The following MEGF10 variants were observed in gnomAD, a reference collection of about 807,000 sequenced individuals.
The protein encoded by MEGF10 is multiple epidermal growth factor-like domains protein 10.
In MEGF10, 86 loss-of-function variants were observed where a neutral mutation model predicts 147.5. The observed-to-expected ratio is 0.58, with a 90% CI of 0.49 to 0.70. The LOEUF (loss-of-function observed/expected upper bound fraction) is 0.70, where lower values mean the gene tolerates loss of function less well. Ranked by LOEUF, MEGF10 falls within the 30% of genes least tolerant of loss-of-function variation. The pLI is 0.00. For synonymous variants in MEGF10, 478 were observed against 525.5 expected, an observed-to-expected ratio of 0.91 and a Z score of 1.24; for missense variants, 1,329 against 1,487.3, an observed-to-expected ratio of 0.89 and a Z score of 1.75.
At chr5:127,398,582 A>T in intron 6 of MEGF10, 94 bp from the exon 7 acceptor site, 1 of 1,411,690 alleles carries the variant, frequency 7.1e-7, no homozygotes. Flanking sequence ...TGAACACAGA[A>T]AGCTTGTCTA....
At chr5:127,452,891 A>G (rs1437595042) in intron 22 of MEGF10, among the ~76,000 whole-genome samples, 2 of 152,088 alleles carry the variant, frequency 1.3e-5, no homozygotes, top group Non-Finnish European at 2.9e-5. Flanking sequence ...CCCCCCAGCT[A>G]TGGGCTTGGT....
chr5:127,349,866 T>G (rs1762029146), intron 4 of MEGF10, among the ~76,000 whole-genome samples: 1 of 152,140 alleles, frequency 6.6e-6, no homozygotes, highest in Non-Finnish European at 1.5e-5. Context: ...CAAATTAGAT[T>G]AGAACTCTCA....
At chr5:127,380,143 C>T (rs145248687) in intron 5 of MEGF10, among the ~76,000 whole-genome samples, 1 of 151,454 alleles carries the variant, frequency 6.6e-6, no homozygotes, top group African/African-American at 2.4e-5. Flanking sequence ...CTGTTTTATC[C>T]CTGCTGTCTA....
chr5:127,286,519 A>G (rs1260642057), upstream of MEGF10, among the ~76,000 whole-genome samples: 1 of 152,200 alleles, frequency 6.6e-6, no homozygotes, highest in African/African-American at 2.4e-5. Context: ...TATGGGTTAA[A>G]GAAAAAATAT....
intron 5 of MEGF10, among the ~76,000 whole-genome samples, chr5:127,375,345 G>T (rs1762984356): frequency 6.6e-6 from 1 of 152,126 alleles, no homozygotes; most frequent in African/African-American, 2.4e-5. Context: ...CTGAGGGAAG[G>T]GTTCCTGCCT....
At position 127,449,172 on chromosome 5, in the gene MEGF10, C is replaced by A. The variant is rs1209092369; in HGVS notation, c.2930C>A (p.Thr977Asn). 1.2e-6 allele frequency: 2 copies of A among 1,613,972 alleles called. No homozygotes were observed. The highest frequency in any genetic ancestry group is 1.7e-5 in the Admixed American group (1 of 60,002). The change falls in exon 22 of 25, where the codon ACT (threonine) becomes AAT (asparagine). Residue 977 changes from threonine to asparagine, a missense_variant. By Grantham distance (65) the Thr-to-Asn change is moderately conservative (BLOSUM62 0). Transcript: ENST00000503335. ...AAGAGAGGCCCTGTGGGGGACTGCA[C>A]TGGGACATTGCCGGCTGACTGGAAA... ...PGKRGPVGDC[T>N]GTLPADWKHG...
rs952228024 is a variant in MEGF10, at chr5:127,459,274, C to T, written c.*1956C>T. Reference sequence around the variant, plus strand: ...GATAATACAGCAGACACACTTAGAACACTCACTGCACTGGTGGCTGTTCAT... The same window carrying T: ...GATAATACAGCAGACACACTTAGAATACTCACTGCACTGGTGGCTGTTCAT... On this transcript the variant is annotated 3_prime_UTR_variant, in exon 25 of 25. Coordinates refer to ENST00000503335, the MANE Select transcript of MEGF10 (RefSeq NM_001256545.2). The T allele has an allele frequency of 6.6e-6, 1 of 152,200 alleles. No homozygotes were observed. The highest frequency in any genetic ancestry group is 2.4e-5 in the African/African-American group (1 of 41,450). 9.4% of individuals were successfully genotyped at this position (152,200 alleles called of 1,614,324 possible).
chr5:127,378,193 C>T (rs546612721), intron 5 of MEGF10, among the ~76,000 whole-genome samples: 1 of 152,276 alleles, frequency 6.6e-6, no homozygotes, highest in East Asian at 1.9e-4. Flanking sequence ...TCTGTGCCTC[C>T]CTTTCCTCAT....
chr5:127,429,760 C>A (rs1480384819), intron 13 of MEGF10, among the ~76,000 whole-genome samples: 1 of 152,166 alleles, frequency 6.6e-6, no homozygotes, highest in Admixed American at 6.5e-5. Flanking sequence ...GGGGGTTCTG[C>A]AGGTAAAAGA....
the MEGF10 span, among the ~76,000 whole-genome samples, chr5:127,261,825 C>A: frequency 8.9e-3 from 1,359 of 152,050 alleles, 21 homozygotes; most frequent in African/African-American, 0.031. Context: ...AGTGATATTC[C>A]ATTGTGATTT....
intron 8 of MEGF10, among the ~76,000 whole-genome samples, chr5:127,404,117 T>C (rs984011968): frequency 6.6e-6 from 1 of 152,134 alleles, no homozygotes; most frequent in Non-Finnish European, 1.5e-5. Context: ...GTTGCCTGTC[T>C]TTTGGATATA....
chr5:127,371,191 C>CTGTGTGTGTGTGTGTGTGTG (rs10591122), intron 5 of MEGF10, among the ~76,000 whole-genome samples: 1 of 126,166 alleles, frequency 7.9e-6, no homozygotes, highest in Non-Finnish European at 1.7e-5. Flanking sequence ...GGGACTGGGA[C>CTGTGTGTGTGTGTGTGTGTG]TGTGTGTGTG....
intron 1 of MEGF10, among the ~76,000 whole-genome samples, chr5:127,319,543 T>G (rs1286838272): frequency 1.3e-5 from 2 of 152,220 alleles, no homozygotes; most frequent in Non-Finnish European, 2.9e-5. Flanking sequence ...ATCATTGCAC[T>G]GAGGAAATTA....
Position 127,375,787 on chromosome 5 carries a change from C to T in MEGF10, c.412+5785C>T, listed in dbSNP as rs369102418. On this transcript the variant is annotated intron_variant, in intron 5 of 24. Transcript: ENST00000503335. ...CTCTGTAAGCCTCCATTGTGCCTGGCATGTGGTTGGAGCACAGTAAAACTT... is the reference window on the plus strand; with the variant it reads ...CTCTGTAAGCCTCCATTGTGCCTGGTATGTGGTTGGAGCACAGTAAAACTT... Among the ~76,000 whole-genome samples the T allele has an allele frequency of 1.2e-4, 18 of 152,322 alleles. 1 individual carries two copies. Among genetic ancestry groups the T allele is most frequent in the African/African-American group, 4.3e-4 (18 of 41,572 alleles).
Position 127,331,361 on chromosome 5 carries a change from A to G in MEGF10, c.53A>G (p.His18Arg), listed in dbSNP as rs1200177411. The G allele has an allele frequency of 2.5e-6, 4 of 1,613,298 alleles. No individual in the cohort carries two copies. The highest frequency in any genetic ancestry group is 3.4e-6 in the Non-Finnish European group (4 of 1,179,502). The change falls in exon 2 of 25, where the codon CAC (histidine) becomes CGC (arginine). Residue 18 changes from histidine to arginine, a missense_variant. Physicochemically the swap from His to Arg is conservative, Grantham distance 29 (BLOSUM62 0). Transcript: ENST00000503335. ...AGCTTTATTTGTTTATTGTTATGCC[A>G]CTGGATTGGGACAGCATCACCTCTG... ...CLSFICLLLC[H>R]WIGTASPLNL... is the part of the protein sequence containing the mutation.
intron 5 of MEGF10, among the ~76,000 whole-genome samples, chr5:127,382,060 AC>A (rs1763285913): frequency 6.6e-6 from 1 of 152,340 alleles, no homozygotes; most frequent in African/African-American, 2.4e-5. Flanking sequence ...TTTTTAAAAC[AC>A]TTGAAAATTT....
the MEGF10 span, among the ~76,000 whole-genome samples, chr5:127,247,326 GA>G: frequency 1.5e-3 from 4 of 2,636 alleles, no homozygotes; most frequent in Admixed American, 6.6e-3. Context: ...GAGAGAAGAA[GA>G]AGAAGAAGAA....
At chr5:127,436,247 G>A (rs375405427) in intron 16 of MEGF10, among the ~76,000 whole-genome samples, 8 of 152,258 alleles carry the variant, frequency 5.3e-5, no homozygotes, top group African/African-American at 1.9e-4. Flanking sequence ...TTTACATGGT[G>A]CTTTATTGAT....
At chr5:127,430,751 C>G (rs1242012071) in intron 13 of MEGF10, among the ~76,000 whole-genome samples, 2 of 152,188 alleles carry the variant, frequency 1.3e-5, no homozygotes, top group East Asian at 1.9e-4. Context: ...CAACTCCACA[C>G]CTTTCCCTGG....
Sources: allele counts gnomAD v4.1 joint callset (sites outside exome capture counted in the v4.1 genomes callset), GRCh38; gene constraint gnomAD v4.1.1; transcripts MANE v1.5; gene names NCBI Gene and HGNC (gene_info 2026-07-23, HGNC 2026-07-21).